SPRED2: variants seen among roughly 807,000 people sequenced by gnomAD.
The protein encoded by SPRED2 is sprouty related EVH1 domain containing 2.
A neutral mutation model predicts 43.0 loss-of-function variants in SPRED2; 47 were observed. The observed-to-expected ratio is 1.09, with a 90% CI of 0.87 to 1.40. The LOEUF (loss-of-function observed/expected upper bound fraction) is 1.40, where lower values mean the gene tolerates loss of function less well. Ranked by LOEUF, SPRED2 falls within the 40% of genes most tolerant of loss-of-function variation. The pLI, the probability that SPRED2 is intolerant of heterozygous loss-of-function variation, is 0.00. For missense variants in SPRED2, 561 were observed against 586.4 expected (o/e 0.96, Z 0.45); for synonymous variants, 225 against 225.7 (o/e 1.00, Z 0.03).
rs762439557 is a variant in SPRED2, at chr2:65,313,451, G to C, written c.*50C>G. 5 of 1,555,816 alleles carry C rather than the reference G, an allele frequency of 3.2e-6. No homozygotes were observed. The highest frequency in any genetic ancestry group is 4.3e-6 in the Non-Finnish European group (5 of 1,153,544). On this transcript the variant is annotated 3_prime_UTR_variant, in exon 6 of 6. Transcript: ENST00000356388. ...GGGGAGAAGATGAGAGTATGTAAGA[G>C]ACGAGTTCCCCTGTGGCTGCGGATG...
In SPRED2 at chr2:65,310,888, A is replaced by T. The variant is rs1453047974; in HGVS notation, c.*2613T>A. The T allele has an allele frequency of 1.0e-6, 1 of 985,546 alleles. No individual in the cohort carries two copies. The highest frequency in any genetic ancestry group is 1.2e-6 in the Non-Finnish European group (1 of 829,776). 61.1% of individuals were successfully genotyped at this position (985,546 alleles called of 1,614,324 possible). ...TGTTTATATTTACACGGTACATTTT[A>T]AAGCAATGGCTACATTGGTCATACA... is the stretch of plus-strand genomic sequence containing the variant. On this transcript the variant is annotated 3_prime_UTR_variant, in exon 6 of 6. Transcript: ENST00000356388.
At chr2:65,385,843 C>T (rs976774911) in intron 1 of SPRED2, among the ~76,000 whole-genome samples, 1 of 152,128 alleles carries the variant, frequency 6.6e-6, no homozygotes. Flanking sequence ...TGCAGACCTG[C>T]GTTAGTGTTT....
Position 65,398,849 on chromosome 2 carries a change from C to A in SPRED2, c.26+33113G>T, listed in dbSNP as rs116123273. Among the ~76,000 whole-genome samples the A allele has an allele frequency of 1.6e-3, 233 of 149,606 alleles. 1 individual carries two copies. The highest frequency in any genetic ancestry group is 5.5e-3 in the African/African-American group (227 of 41,434). On this transcript the variant is annotated intron_variant, in intron 1 of 5. Transcript: ENST00000356388. ...ACTAAAAGCAGAACTGCCATTTGGT[C>A]CAGCAATCCCACTACTGGGAAAAGA... is the stretch of plus-strand genomic sequence containing the variant.
At chr2:65,418,868 CA>C (rs2103787832) in intron 1 of SPRED2, among the ~76,000 whole-genome samples, 1 of 127,784 alleles carries the variant, frequency 7.8e-6, no homozygotes, top group East Asian at 2.0e-4. Flanking sequence ...AATTTCTTAT[CA>C]TTTTTTTTTA....
chr2:65,431,568 G>A (rs1002809215), intron 1 of SPRED2, among the ~76,000 whole-genome samples: 1 of 152,248 alleles, frequency 6.6e-6, no homozygotes, highest in African/African-American at 2.4e-5. Context: ...GGCGGCGGGA[G>A]TCACAAAGTC....
intron 1 of SPRED2, among the ~76,000 whole-genome samples, chr2:65,401,935 G>GCACACACACACACACACA (rs544327137): frequency 1.1e-5 from 1 of 89,306 alleles, no homozygotes; most frequent in African/African-American, 3.6e-5. Flanking sequence ...TAGCGCGCGC[G>GCACACACACACACACACA]CGCACACACA....
intron 1 of SPRED2, among the ~76,000 whole-genome samples, chr2:65,375,957 G>C (rs1490824722): frequency 2.0e-5 from 3 of 152,206 alleles, no homozygotes; most frequent in Non-Finnish European, 4.4e-5. Context: ...TCAGCTCAGA[G>C]AGATTTTGCT....
At chr2:65,401,908 T>C (rs1253828801) in intron 1 of SPRED2, among the ~76,000 whole-genome samples, 2 of 149,418 alleles carry the variant, frequency 1.3e-5, no homozygotes, top group Non-Finnish European at 3.0e-5. Context: ...TTATAAATTG[T>C]AAAACGATCA....
chr2:65,307,628 C>G (rs189466204), downstream of SPRED2, among the ~76,000 whole-genome samples: 28 of 151,904 alleles, frequency 1.8e-4, 1 homozygote, highest in Middle Eastern at 6.8e-3. Flanking sequence ...TCTTTTTCCT[C>G]CTTTATAAAT....
rs1201882945 is a variant in SPRED2 at position 65,391,983 on chromosome 2, A to T, written c.26+39979T>A. 2.6e-5 allele frequency among the ~76,000 whole-genome samples: 4 copies of T among 152,066 alleles called. No individual in the cohort carries two copies. The Middle Eastern group carries it at 0.01, about 388-fold the overall frequency. On this transcript the variant is annotated intron_variant, in intron 1 of 5. Transcript: ENST00000356388. ...TTTTTTGTTAGCCTGGTGTTTTTTT[A>T]AAAAGTATTAAGTTATCTGTTTTCT...
intron 1 of SPRED2, chr2:65,377,479 C>T (rs1675269525): frequency 4.6e-6 from 2 of 430,506 alleles, no homozygotes; most frequent in Non-Finnish European, 4.9e-6. Flanking sequence ...CCCCCCAAAG[C>T]CTCATCACCC....
intron 1 of SPRED2, among the ~76,000 whole-genome samples, chr2:65,390,859 T>C (rs1675617605): frequency 6.6e-6 from 1 of 152,042 alleles, no homozygotes; most frequent in Non-Finnish European, 1.5e-5. Flanking sequence ...GCCAAGGTAG[T>C]GGATCACTTG....
intron 1 of SPRED2, among the ~76,000 whole-genome samples, chr2:65,369,595 T>G (rs1371282943): frequency 6.6e-6 from 1 of 152,040 alleles, no homozygotes; most frequent in African/African-American, 2.4e-5. Flanking sequence ...ACTTGCATGC[T>G]AATGATACCA....
chr2:65,425,205 T>A (rs1370386618), intron 1 of SPRED2, among the ~76,000 whole-genome samples: 1 of 152,180 alleles, frequency 6.6e-6, no homozygotes, highest in Non-Finnish European at 1.5e-5. Flanking sequence ...ACAGGAAATA[T>A]ATCAAAGAAT....
chr2:65,386,023 G>A (rs574732065), intron 1 of SPRED2, among the ~76,000 whole-genome samples: 32 of 152,168 alleles, frequency 2.1e-4, no homozygotes, highest in Non-Finnish European at 4.4e-4. Context: ...GGTGGCTCAC[G>A]CCTGTAATCC....
chr2:65,357,860 C>T (rs957359181), intron 1 of SPRED2, among the ~76,000 whole-genome samples: 2 of 152,144 alleles, frequency 1.3e-5, no homozygotes, highest in East Asian at 1.9e-4. Flanking sequence ...TTCTCACAAC[C>T]GGGTGAGGCA....
intron 1 of SPRED2, among the ~76,000 whole-genome samples, chr2:65,350,999 A>G (rs1674494576): frequency 6.6e-6 from 1 of 152,216 alleles, no homozygotes; most frequent in African/African-American, 2.4e-5. Context: ...AAGTAGTGTT[A>G]CAGGTCGTGT....
intron 1 of SPRED2, among the ~76,000 whole-genome samples, chr2:65,421,710 C>T (rs994993250): frequency 6.6e-6 from 1 of 152,182 alleles, no homozygotes; most frequent in Non-Finnish European, 1.5e-5. Context: ...CACTGGCTCC[C>T]TATTCCACAG....
intron 4 of SPRED2, 152 bp downstream of exon 4, chr2:65,331,835 A>AG: frequency 1.8e-6 from 1 of 567,262 alleles, no homozygotes; most frequent in Non-Finnish European, 3.2e-6. Context: ...ACCCAGCCTG[A>AG]GAAAAATTGT....
Sources: gnomAD v4.1 joint callset for allele counts (sites outside exome capture counted in the v4.1 genomes callset) on GRCh38, gnomAD v4.1.1 for gene constraint, MANE v1.5 for transcripts, NCBI Gene and HGNC (gene_info 2026-07-23, HGNC 2026-07-21) for gene names.